Variants in C12orf42 observed in about 807,000 individuals in gnomAD.
C12orf42 encodes the protein chromosome 12 open reading frame 42.
Under a neutral mutation model 21.6 loss-of-function variants are expected in C12orf42, and 25 were observed. That is an observed-to-expected ratio of 1.16 (90% CI 0.84 to 1.62). The LOEUF is 1.62. C12orf42 is among the 40% of genes most tolerant of loss of function. The probability of loss-of-function intolerance (pLI) is 0.00; values close to 1 mark genes in which losing one functional copy is unlikely to be tolerated. For missense variants in C12orf42, 483 were observed against 459.3 expected (o/e 1.05, Z -0.47); for synonymous variants, 174 against 175.0 (o/e 0.99, Z 0.05).
At chr12:103,120,455 G>T in the C12orf42 span, among the ~76,000 whole-genome samples, 1 of 152,270 alleles carries the variant, frequency 6.6e-6, no homozygotes, top group South Asian at 2.1e-4. Flanking sequence ...TAACAGTGTG[G>T]GAAGTGATCA....
chr12:103,515,012 T>C, the C12orf42 span, among the ~76,000 whole-genome samples: 1 of 152,164 alleles, frequency 6.6e-6, no homozygotes, highest in African/African-American at 2.4e-5. Context: ...AGAGTAACAC[T>C]GGCATCTAAT....
At chr12:103,248,863 T>G (rs920435783) in intron 10 of C12orf42, among the ~76,000 whole-genome samples, 2 of 152,104 alleles carry the variant, frequency 1.3e-5, no homozygotes, top group Non-Finnish European at 2.9e-5. Flanking sequence ...TATGGTTGAC[T>G]ATTTTTTTAA....
chr12:103,286,054 C>T (rs1479083622), intron 4 of C12orf42, among the ~76,000 whole-genome samples: 2 of 152,012 alleles, frequency 1.3e-5, no homozygotes, highest in African/African-American at 4.8e-5. Context: ...CGGGACCATT[C>T]TTGCTAACAC....
intron 10 of C12orf42, among the ~76,000 whole-genome samples, chr12:103,244,109 A>G (rs943970293): frequency 1.3e-5 from 2 of 152,146 alleles, no homozygotes; most frequent in Admixed American, 6.6e-5. Flanking sequence ...CTGCCTTTAT[A>G]TGTCTCATTT....
At chr12:103,421,444 T>A in intron 2 of C12orf42, among the ~76,000 whole-genome samples, 1 of 151,914 alleles carries the variant, frequency 6.6e-6, no homozygotes, top group Non-Finnish European at 1.5e-5. Context: ...TGTGGTGGTG[T>A]GTGCCTGTGG....
chr12:103,438,406 G>A (rs1950918570), intron 2 of C12orf42, among the ~76,000 whole-genome samples: 1 of 152,046 alleles, frequency 6.6e-6, no homozygotes, highest in African/African-American at 2.4e-5. Context: ...GTTCTGGCCA[G>A]GGCAATCAGG....
chr12:103,491,609 C>G (rs560684707), intron 1 of C12orf42, among the ~76,000 whole-genome samples: 2 of 152,316 alleles, frequency 1.3e-5, no homozygotes, highest in East Asian at 3.9e-4. Context: ...GCCTTGAGCT[C>G]CTTGTTTCTA....
At chr12:103,471,179 G>A (rs1174100838) in intron 2 of C12orf42, among the ~76,000 whole-genome samples, 2 of 152,112 alleles carry the variant, frequency 1.3e-5, no homozygotes, top group South Asian at 2.1e-4. Flanking sequence ...CAGAATCTCT[G>A]TGGATTGGAT....
the C12orf42 span, among the ~76,000 whole-genome samples, chr12:103,167,487 G>A: frequency 1.3e-4 from 20 of 152,010 alleles, no homozygotes; most frequent in African/African-American, 4.8e-4. Flanking sequence ...GTCTTTTATT[G>A]AACTCACTGA....
the C12orf42 span, among the ~76,000 whole-genome samples, chr12:103,506,995 AAT>A: frequency 0.011 from 5 of 476 alleles, no homozygotes; most frequent in African/African-American, 8.1e-3. Flanking sequence ...ATATAAATAT[AAT>A]ATATATATTA....
At chr12:103,059,734 A>G in the C12orf42 span, among the ~76,000 whole-genome samples, 1 of 152,232 alleles carries the variant, frequency 6.6e-6, no homozygotes, top group East Asian at 1.9e-4. Flanking sequence ...ACCAATGTCA[A>G]GGATTATCTC....
the C12orf42 span, among the ~76,000 whole-genome samples, chr12:103,518,450 C>T: frequency 6.6e-6 from 1 of 152,154 alleles, no homozygotes; most frequent in Non-Finnish European, 1.5e-5. Context: ...ATTGCCCCCG[C>T]CATGCCCAGA....
At chr12:103,506,087 C>T in the C12orf42 span, 1 of 221,574 alleles carries the variant, frequency 4.5e-6, no homozygotes, top group South Asian at 7.9e-5. Context: ...TGAGTGAACC[C>T]CTGGAGCTTT....
the C12orf42 span, among the ~76,000 whole-genome samples, chr12:103,209,005 T>C: frequency 6.6e-6 from 1 of 152,184 alleles, no homozygotes; most frequent in African/African-American, 2.4e-5. Context: ...TTAAACCAAT[T>C]TCATCAAAAA....
chr12:103,342,992 T>C (rs79190338), intron 4 of C12orf42, among the ~76,000 whole-genome samples: 5,412 of 152,292 alleles, frequency 0.036, 129 homozygotes, highest in Non-Finnish European at 0.055. Flanking sequence ...TGTTTTACCA[T>C]TTAATAAATA....
chr12:103,158,777 G>A, the C12orf42 span, among the ~76,000 whole-genome samples: 3 of 151,856 alleles, frequency 2.0e-5, no homozygotes, highest in Admixed American at 1.3e-4. Flanking sequence ...CTACTTGGGA[G>A]GCTGAGGCAG....
chr12:103,500,342 C>T (rs1368074897), upstream of C12orf42, among the ~76,000 whole-genome samples: 2 of 152,188 alleles, frequency 1.3e-5, no homozygotes, highest in Non-Finnish European at 2.9e-5. Context: ...GACCCTTTCC[C>T]TACACTTTCT....
the C12orf42 span, chr12:103,559,721 T>C: frequency 1.3e-5 from 2 of 152,230 alleles, no homozygotes; most frequent in Non-Finnish European, 2.9e-5. Flanking sequence ...ACACCTGTGA[T>C]TGTTGTTCAC....
rs570033826 is a variant in C12orf42 at position 103,465,165 on chromosome 12, G to T, written c.78+13184C>A. On this transcript the variant is annotated intron_variant, in intron 2 of 5. Coordinates refer to ENST00000548883, the MANE Select transcript of C12orf42 (RefSeq NM_198521.5). ...TGTCAATGTTAGTTTAATGGGAAGAGCACTGAATCTATAAATTACTTTGAG... is the reference window on the plus strand; with the variant it reads ...TGTCAATGTTAGTTTAATGGGAAGATCACTGAATCTATAAATTACTTTGAG... 4.6e-5 allele frequency among the ~76,000 whole-genome samples: 7 copies of T among 152,254 alleles called. No individual in the cohort carries two copies. The East Asian group carries it at 1.4e-3, about 29-fold the overall frequency.
Sources: allele counts gnomAD v4.1 joint callset (sites outside exome capture counted in the v4.1 genomes callset), GRCh38; gene constraint gnomAD v4.1.1; transcripts MANE v1.5; gene names NCBI Gene and HGNC (gene_info 2026-07-23, HGNC 2026-07-21).